Variants in ATXN7L1 observed in about 807,000 individuals in gnomAD.
The protein encoded by ATXN7L1 is ataxin-7-like protein 1.
In ATXN7L1, 15 loss-of-function variants were observed where a neutral mutation model predicts 70.8. The observed-to-expected ratio is 0.21, with a 90% CI of 0.14 to 0.33. The LOEUF (loss-of-function observed/expected upper bound fraction) is 0.33, where lower values mean the gene tolerates loss of function less well. ATXN7L1 is among the 10% of genes least tolerant of loss of function. ATXN7L1 has a pLI of 1.00. For synonymous variants in ATXN7L1, 440 were observed against 445.1 expected (o/e 0.99, Z 0.14); for missense variants, 975 against 1,097.1 (o/e 0.89, Z 1.57).
At chr7:105,727,492 A>G (rs1315285255) in intron 3 of ATXN7L1, among the ~76,000 whole-genome samples, 1 of 151,598 alleles carries the variant, frequency 6.6e-6, no homozygotes, top group Non-Finnish European at 1.5e-5. Context: ...AACATGGTGA[A>G]ACCCCACGTC....
intron 3 of ATXN7L1, among the ~76,000 whole-genome samples, chr7:105,775,313 C>T (rs1802572619): frequency 6.6e-6 from 1 of 151,686 alleles, no homozygotes; most frequent in Admixed American, 6.6e-5. Flanking sequence ...GGGGGGAACC[C>T]AGAAAGAAAG....
At chr7:105,641,756 T>G (rs542854834) in intron 5 of ATXN7L1, among the ~76,000 whole-genome samples, 1 of 152,364 alleles carries the variant, frequency 6.6e-6, no homozygotes, top group East Asian at 1.9e-4. Context: ...GGCTCTACCT[T>G]TCTTTCTTGA....
At chr7:105,717,274 G>T (rs1794680130) in intron 3 of ATXN7L1, among the ~76,000 whole-genome samples, 1 of 152,032 alleles carries the variant, frequency 6.6e-6, no homozygotes, top group South Asian at 2.1e-4. Flanking sequence ...ATTATAGGTG[G>T]ACGCCACCAC....
At chr7:105,669,661 G>C (rs1031272606) in intron 3 of ATXN7L1, among the ~76,000 whole-genome samples, 1 of 152,082 alleles carries the variant, frequency 6.6e-6, no homozygotes, top group African/African-American at 2.4e-5. Flanking sequence ...GGTGGCTCAC[G>C]ACTGCAATCC....
chr7:105,839,552 G>A (rs987152242), intron 2 of ATXN7L1, among the ~76,000 whole-genome samples: 1 of 152,238 alleles, frequency 6.6e-6, no homozygotes, highest in African/African-American at 2.4e-5. Context: ...GTTACAGTTA[G>A]AGCACAAGGT....
intron 3 of ATXN7L1, among the ~76,000 whole-genome samples, chr7:105,709,813 C>A (rs1793653483): frequency 6.6e-6 from 1 of 152,026 alleles, no homozygotes; most frequent in African/African-American, 2.4e-5. Flanking sequence ...ACTATCATTT[C>A]AATGGCAGCC....
chr7:105,692,941 C>G (rs1791208106), intron 3 of ATXN7L1, among the ~76,000 whole-genome samples: 1 of 152,092 alleles, frequency 6.6e-6, no homozygotes, highest in African/African-American at 2.4e-5. Context: ...TGGTCTCAAA[C>G]TCCTGGCCTC....
At chr7:105,811,300 T>C (rs1413584908) in intron 2 of ATXN7L1, among the ~76,000 whole-genome samples, 1 of 152,034 alleles carries the variant, frequency 6.6e-6, no homozygotes, top group African/African-American at 2.4e-5. Context: ...CTATAAGACA[T>C]GGAAAGCCAA....
At chr7:105,815,804 AG>A (rs1272866401) in intron 2 of ATXN7L1, among the ~76,000 whole-genome samples, 1 of 152,236 alleles carries the variant, frequency 6.6e-6, no homozygotes, top group Non-Finnish European at 1.5e-5. Flanking sequence ...TCACAAGTCT[AG>A]GCTGGAGCAG....
chr7:105,825,241 C>G (rs1318965422), intron 2 of ATXN7L1, among the ~76,000 whole-genome samples: 1 of 152,116 alleles, frequency 6.6e-6, no homozygotes, highest in South Asian at 2.1e-4. Context: ...ATGTAGGATG[C>G]CCCTGGAAGA....
chr7:105,850,006 C>T (rs913350545), intron 2 of ATXN7L1, among the ~76,000 whole-genome samples: 3 of 152,246 alleles, frequency 2.0e-5, no homozygotes, highest in South Asian at 2.1e-4. Context: ...CTCACCCCCA[C>T]TTCCATTGTA....
rs946313125 is a variant in ATXN7L1 at position 105,634,283 on chromosome 7, T to G, written c.1202+4070A>C. 7.2e-5 allele frequency among the ~76,000 whole-genome samples: 11 copies of G among 152,286 alleles called. No homozygotes were observed. In the East Asian group the frequency reaches 2.1e-3, roughly 29 times the overall value. ...TAACGTCAAAGCATAGGATGATGGG[T>G]CTTGTCCAGTTCAACTCAGGGAAAT... is the stretch of plus-strand genomic sequence containing the variant. On this transcript the variant is annotated intron_variant, in intron 7 of 11. Coordinates refer to ENST00000419735, the MANE Select transcript of ATXN7L1 (RefSeq NM_020725.2).
chr7:105,635,452 C>T (rs571323320), intron 7 of ATXN7L1, among the ~76,000 whole-genome samples: 1 of 152,354 alleles, frequency 6.6e-6, no homozygotes, highest in African/African-American at 2.4e-5. Flanking sequence ...CTCCCACTCA[C>T]TAACAGCTAC....
At chr7:105,829,158 A>G (rs535171533) in intron 2 of ATXN7L1, among the ~76,000 whole-genome samples, 9 of 152,338 alleles carry the variant, frequency 5.9e-5, no homozygotes, top group Admixed American at 2.0e-4. Flanking sequence ...GCTGTGGCTC[A>G]CGCCTGTAAT....
chr7:105,612,335 C>T (rs1295957869), intron 10 of ATXN7L1, among the ~76,000 whole-genome samples: 1 of 152,198 alleles, frequency 6.6e-6, no homozygotes, highest in Non-Finnish European at 1.5e-5. Context: ...TGGAACAGAG[C>T]CCATCATCTA....
chr7:105,858,716 A>T (rs1455312524), intron 2 of ATXN7L1, among the ~76,000 whole-genome samples: 1 of 152,158 alleles, frequency 6.6e-6, no homozygotes, highest in African/African-American at 2.4e-5. Context: ...CCTGGGACAC[A>T]TTTGCACCAA....
intron 3 of ATXN7L1, among the ~76,000 whole-genome samples, chr7:105,726,205 A>T (rs1218795208): frequency 6.6e-6 from 1 of 152,086 alleles, no homozygotes; most frequent in African/African-American, 2.4e-5. Flanking sequence ...CCCGGCCCTA[A>T]TTTCCATTTC....
At chr7:105,714,664 TG>T (rs67131659) in intron 3 of ATXN7L1, among the ~76,000 whole-genome samples, 13,964 of 151,394 alleles carry the variant, frequency 0.092, 799 homozygotes, top group Non-Finnish European at 0.13. Context: ...CTTCTGTTTT[TG>T]TTTTTGTTTT....
intron 4 of ATXN7L1, among the ~76,000 whole-genome samples, chr7:105,643,705 T>G (rs1798589081): frequency 6.6e-6 from 1 of 152,224 alleles, no homozygotes; most frequent in Non-Finnish European, 1.5e-5. Context: ...TGGGCTCAAA[T>G]TGAGTGAGCC....
Sources: allele counts gnomAD v4.1 joint callset (sites outside exome capture counted in the v4.1 genomes callset), GRCh38; gene constraint gnomAD v4.1.1; transcripts MANE v1.5; gene names NCBI Gene and HGNC (gene_info 2026-07-23, HGNC 2026-07-21).